The following TRPC3 variants were observed in gnomAD, a reference collection of about 807,000 sequenced individuals.
The protein encoded by TRPC3 is transient receptor potential cation channel subfamily C member 3, also known as short transient receptor potential channel 3.
In TRPC3, 54 loss-of-function variants were observed where a neutral mutation model predicts 90.9. The ratio of observed to expected loss-of-function variants is 0.59; its 90% CI spans 0.48 to 0.75. The LOEUF (loss-of-function observed/expected upper bound fraction) is 0.75. Ranked by LOEUF, TRPC3 falls within the 30% of genes least tolerant of loss-of-function variation. The pLI, the probability that TRPC3 is intolerant of heterozygous loss-of-function variation, is 0.00. For synonymous variants in TRPC3, 424 were observed against 450.9 expected, an observed-to-expected ratio of 0.94 and a Z score of 0.75; for missense variants, 918 against 1,194.5, an observed-to-expected ratio of 0.77 and a Z score of 3.41.
intron 3 of TRPC3, among the ~76,000 whole-genome samples, chr4:121,919,145 T>C (rs1200154063): frequency 6.6e-6 from 1 of 152,200 alleles, no homozygotes; most frequent in East Asian, 1.9e-4. Flanking sequence ...AACTGAAATG[T>C]TTTTTCTTGC....
intron 2 of TRPC3, among the ~76,000 whole-genome samples, chr4:121,931,445 G>A (rs939796996): frequency 1.4e-4 from 22 of 152,070 alleles, no homozygotes; most frequent in African/African-American, 5.1e-4. Context: ...AAACGCATAG[G>A]AGGAGGTAGC....
chr4:121,914,548 TAAAAGCCTAAG>T (rs986173223), intron 4 of TRPC3, among the ~76,000 whole-genome samples: 3 of 152,176 alleles, frequency 2.0e-5, no homozygotes, highest in African/African-American at 4.8e-5. Flanking sequence ...GATTTTATCT[TAAAAGCCTAAG>T]TACTTTATGC....
At chr4:121,887,781 T>C (rs1560685514) in intron 10 of TRPC3, among the ~76,000 whole-genome samples, 1 of 152,122 alleles carries the variant, frequency 6.6e-6, no homozygotes, top group Non-Finnish European at 1.5e-5. Context: ...TGCTTTTAAC[T>C]TGAAATAACC....
chr4:121,918,889 G>C lies in TRPC3; in HGVS notation c.1177-3945C>G, dbSNP rs59345474. On this transcript the variant is annotated intron_variant, in intron 3 of 11. Coordinates refer to ENST00000379645, the MANE Select transcript of TRPC3 (RefSeq NM_001130698.2). ...GGAGATGAGTTTTGGTCTTTTCAAT[G>C]ACTTCGAAATAGGGCAGTGACCTTT... Among the ~76,000 whole-genome samples, 632 of 152,292 alleles carry C rather than the reference G, an allele frequency of 4.1e-3. 3 individuals carry two copies. The highest frequency in any genetic ancestry group is 0.015 in the African/African-American group (613 of 41,564).
At chr4:121,904,597 G>T in intron 7 of TRPC3, 80 bp from the exon 8 acceptor site, 1 of 1,055,118 alleles carries the variant, frequency 9.5e-7, no homozygotes, top group Non-Finnish European at 1.3e-6. Flanking sequence ...ACAAGTTAGG[G>T]TTTAACTACT....
chr4:121,906,339 A>G (rs144226801), intron 7 of TRPC3, among the ~76,000 whole-genome samples: 2 of 152,258 alleles, frequency 1.3e-5, no homozygotes, highest in East Asian at 3.9e-4. Context: ...AATAGAATGT[A>G]TAAAATGAGT....
At chr4:121,944,611 C>T (rs1730427653) in intron 1 of TRPC3, among the ~76,000 whole-genome samples, 1 of 152,122 alleles carries the variant, frequency 6.6e-6, no homozygotes, top group African/African-American at 2.4e-5. Flanking sequence ...CTGGGATCCT[C>T]TCACCTCTTT....
chr4:121,932,180 A>G lies in TRPC3; in HGVS notation c.987+91T>C. The G allele has an allele frequency of 6.5e-7, 1 of 1,542,720 alleles. No individual in the cohort carries two copies. Among genetic ancestry groups the G allele is most frequent in the Non-Finnish European group, 8.7e-7 (1 of 1,143,590 alleles). On this transcript the variant is annotated intron_variant, in intron 2 of 11. Transcript: ENST00000379645. This position sits in a 1 kb window ranked among gnomAD's most constrained non-coding sequence, Gnocchi z 7.7. ...ATTTCACATTCACTGGGCAAAACCG[A>G]ATGTGGAGCGAACGGTGGCAGAGCA...
intron 1 of TRPC3, among the ~76,000 whole-genome samples, chr4:121,944,893 G>A (rs755614075): frequency 2.6e-4 from 39 of 152,288 alleles, no homozygotes; most frequent in Admixed American, 4.6e-4. Flanking sequence ...TTAACCACAG[G>A]AGGCCACAGT....
intron 10 of TRPC3, among the ~76,000 whole-genome samples, chr4:121,897,589 A>T (rs1239158158): frequency 6.6e-6 from 1 of 151,742 alleles, no homozygotes; most frequent in Non-Finnish European, 1.5e-5. Context: ...GACATCACTA[A>T]CCAAACCACA....
intron 10 of TRPC3, among the ~76,000 whole-genome samples, chr4:121,890,516 A>G (rs994734157): frequency 1.3e-5 from 2 of 152,204 alleles, no homozygotes; most frequent in African/African-American, 4.8e-5. Context: ...ATAGAAATGG[A>G]TGAAAAATTC....
rs551720003 is a variant in TRPC3, at chr4:121,880,416, G to A, written c.2624-538C>T. Among the ~76,000 whole-genome samples the A allele has an allele frequency of 5.3e-5, 8 of 152,334 alleles. No individual in the cohort carries two copies. The East Asian group carries it at 1.2e-3, about 22-fold the overall frequency. ...TAGGGAAGGCAATGGCAATGGACAT[G>A]AAGACATTAGTTTGTCCAGCACAAA... is the stretch of plus-strand genomic sequence containing the variant. On this transcript the variant is annotated intron_variant, in intron 11 of 11. Coordinates refer to ENST00000379645, the MANE Select transcript of TRPC3 (RefSeq NM_001130698.2).
chr4:121,890,397 C>T (rs925916953), intron 10 of TRPC3, among the ~76,000 whole-genome samples: 3 of 151,914 alleles, frequency 2.0e-5, no homozygotes, highest in Non-Finnish European at 4.4e-5. Context: ...CCTTACACAA[C>T]GTATACATGT....
At chr4:121,939,658 T>C (rs1454510701) in intron 1 of TRPC3, among the ~76,000 whole-genome samples, 1 of 152,270 alleles carries the variant, frequency 6.6e-6, no homozygotes, top group Admixed American at 6.5e-5. Flanking sequence ...CCAGGTAGCC[T>C]GCACTAAGGC....
chr4:121,895,231 C>T (rs1328756247), intron 10 of TRPC3, among the ~76,000 whole-genome samples: 1 of 151,254 alleles, frequency 6.6e-6, no homozygotes, highest in African/African-American at 2.4e-5. Context: ...AGATTTCAAA[C>T]AATCTAATGA....
At chr4:121,945,642 G>A (rs1730457918) in intron 1 of TRPC3, among the ~76,000 whole-genome samples, 1 of 152,158 alleles carries the variant, frequency 6.6e-6, no homozygotes, top group Non-Finnish European at 1.5e-5. Context: ...TATATAAAAA[G>A]TGCATAGAAA....
At chr4:121,899,081 A>G (rs1456437943) in intron 10 of TRPC3, among the ~76,000 whole-genome samples, 1 of 152,226 alleles carries the variant, frequency 6.6e-6, no homozygotes, top group African/African-American at 2.4e-5. Flanking sequence ...ACAAAGGGCT[A>G]TAACTTCCCC....
chr4:121,939,763 G>C (rs974460828), intron 1 of TRPC3, among the ~76,000 whole-genome samples: 6 of 152,166 alleles, frequency 3.9e-5, no homozygotes, highest in African/African-American at 1.4e-4. Flanking sequence ...AAGTACTTGA[G>C]GGAGCATATC....
rs1209586592 is a variant in TRPC3, at chr4:121,907,250, G to A, written c.2057+53C>T. 13 of 1,496,502 alleles carry A rather than the reference G, an allele frequency of 8.7e-6. No individual in the cohort carries two copies. The East Asian group carries it at 3.0e-4, about 34-fold the overall frequency. 92.7% of individuals were successfully genotyped at this position (1,496,502 alleles called of 1,614,324 possible). A position where few individuals can be genotyped will look rare whatever the true frequency, so the allele number is the denominator to read the frequency against. On this transcript the variant is annotated intron_variant, in intron 7 of 11. Coordinates refer to ENST00000379645, the MANE Select transcript of TRPC3 (RefSeq NM_001130698.2). The stretch of plus-strand genomic sequence containing the variant: ...AGAAATTTTTCCTTTGCTTCCTCTA[G>A]ATTGGTTAGAATTTCTCTTTATCAT...
Sources: allele counts gnomAD v4.1 joint callset (sites outside exome capture counted in the v4.1 genomes callset), GRCh38; gene constraint gnomAD v4.1.1; non-coding constraint Gnocchi (gnomAD v3.1); transcripts MANE v1.5; gene names NCBI Gene and HGNC (gene_info 2026-07-23, HGNC 2026-07-21).